The following SYNPO variants were observed in gnomAD, a reference collection of about 807,000 sequenced individuals.
The protein encoded by SYNPO is synaptopodin.
SYNPO carries 19 observed loss-of-function variants against 49.5 expected under a neutral mutation model. That is an observed-to-expected ratio of 0.38 (90% CI 0.27 to 0.56). The LOEUF (loss-of-function observed/expected upper bound fraction) is 0.56. Among genes scored for constraint, SYNPO ranks in the 20% least tolerant of loss-of-function variants. SYNPO has a pLI of 0.68. For missense variants in SYNPO, 1,131 were observed against 1,248.3 expected (o/e 0.91, Z 1.42); for synonymous variants, 536 against 548.0 (o/e 0.98, Z 0.31).
At chr5:150,591,041 C>T in the SYNPO span, among the ~76,000 whole-genome samples, 1 of 152,034 alleles carries the variant, frequency 6.6e-6, no homozygotes, top group Non-Finnish European at 1.5e-5. Context: ...GGGTGGGGAA[C>T]AGATGAGGCA....
At chr5:150,631,048 T>A (rs1304134261) in intron 2 of SYNPO, among the ~76,000 whole-genome samples, 1 of 152,166 alleles carries the variant, frequency 6.6e-6, no homozygotes, top group Non-Finnish European at 1.5e-5. Flanking sequence ...CAAATCCCAA[T>A]CCTGTACAAC....
chr5:150,645,301 C>A (rs1434492962), intron 1 of SYNPO, among the ~76,000 whole-genome samples: 1 of 152,132 alleles, frequency 6.6e-6, no homozygotes, highest in East Asian at 1.9e-4. Flanking sequence ...GAGGGGAGGG[C>A]AGGGTCAGAT....
At chr5:150,589,518 C>A in the SYNPO span, among the ~76,000 whole-genome samples, 69 of 152,334 alleles carry the variant, frequency 4.5e-4, no homozygotes, top group African/African-American at 1.6e-3. Context: ...AACAACCCTG[C>A]GATGAACATA....
chr5:150,637,190 G>GTA (rs1277420731), upstream of SYNPO, among the ~76,000 whole-genome samples: 1 of 152,168 alleles, frequency 6.6e-6, no homozygotes, highest in African/African-American at 2.4e-5. Context: ...ATTGGATTTG[G>GTA]TAAAGGAGGG....
chr5:150,611,231 C>A (rs562505066), intron 1 of SYNPO, among the ~76,000 whole-genome samples: 1 of 152,312 alleles, frequency 6.6e-6, no homozygotes, highest in African/African-American at 2.4e-5. Context: ...AACATGTGAG[C>A]TTCACGTGGG....
chr5:150,612,173 C>A (rs1248770759), intron 1 of SYNPO, among the ~76,000 whole-genome samples: 1 of 152,150 alleles, frequency 6.6e-6, no homozygotes, highest in Non-Finnish European at 1.5e-5. Flanking sequence ...CTGGATAGAC[C>A]AGACAGTTCC....
At chr5:150,613,256 C>G (rs529383766) in intron 1 of SYNPO, among the ~76,000 whole-genome samples, 1 of 152,176 alleles carries the variant, frequency 6.6e-6, no homozygotes, top group Non-Finnish European at 1.5e-5. Flanking sequence ...TTCCCCCAAC[C>G]GTGTAGGGCT....
chr5:150,637,053 T>C (rs1757740380), upstream of SYNPO, among the ~76,000 whole-genome samples: 1 of 152,222 alleles, frequency 6.6e-6, no homozygotes, highest in Admixed American at 6.5e-5. Flanking sequence ...CAGATATTAT[T>C]ATCCCTGTTT....
In SYNPO at chr5:150,657,596, G is replaced by C. The variant is rs528228208; in HGVS notation, c.*509G>C. On this transcript the variant is annotated 3_prime_UTR_variant, in exon 3 of 3. Coordinates refer to ENST00000307662, the MANE Select transcript of SYNPO (RefSeq NM_007286.6). ...CTGCTGTCTGGAGTCTGGCAAGCGG[G>C]GTGTGTTCAGAAGGTCCTAGGCCTG... 1 of 157,092 alleles carries C rather than the reference G, an allele frequency of 6.4e-6. No individual in the cohort carries two copies. The highest frequency in any genetic ancestry group is 1.4e-5 in the Non-Finnish European group (1 of 70,802). 9.7% of individuals were successfully genotyped at this position (157,092 alleles called of 1,614,324 possible).
chr5:150,640,235 G>C (rs1757851199), upstream of SYNPO: 1 of 931,174 alleles, frequency 1.1e-6, no homozygotes, highest in African/African-American at 1.8e-5. Context: ...CTTTTTGGAG[G>C]GGGTGGTGGC....
intron 2 of SYNPO, among the ~76,000 whole-genome samples, chr5:150,620,963 T>C (rs1390999233): frequency 2.0e-5 from 3 of 149,068 alleles, no homozygotes; most frequent in Admixed American, 6.6e-5. Context: ...TTCTTTTTTT[T>C]TTTTTTTGAG....
chr5:150,601,562 G>A (rs529881848), intron 1 of SYNPO, among the ~76,000 whole-genome samples: 24 of 152,314 alleles, frequency 1.6e-4, no homozygotes, highest in South Asian at 4.1e-4. Flanking sequence ...AGTTCTGTGC[G>A]TGTGCTTGTT....
At chr5:150,614,616 C>A (rs1217544341) in intron 1 of SYNPO, 2 of 152,242 alleles carry the variant, frequency 1.3e-5, no homozygotes, top group African/African-American at 4.8e-5. Flanking sequence ...GAGTTCTCCT[C>A]TCTGAGATGA....
At chr5:150,624,888 A>G (rs2151378401) in intron 2 of SYNPO, 2 of 985,332 alleles carry the variant, frequency 2.0e-6, no homozygotes, top group Non-Finnish European at 2.4e-6. Flanking sequence ...GAGCTCGGGG[A>G]CCGTGCGCAG....
intron 2 of SYNPO, 62 bp from the exon 3 acceptor site, chr5:150,656,341 TA>T: frequency 1.5e-6 from 2 of 1,358,270 alleles, no homozygotes; most frequent in Non-Finnish European, 2.0e-6. Context: ...CGTCCCTTCC[TA>T]AAGCCCGGTG....
At chr5:150,615,031 T>A (rs1756947128) in intron 1 of SYNPO, 1 of 151,840 alleles carries the variant, frequency 6.6e-6, no homozygotes, top group Non-Finnish European at 1.5e-5. Context: ...ACAGCAGGAG[T>A]GTCAGGTAAA....
At position 150,608,834 on chromosome 5, in the gene SYNPO, C is replaced by T. The variant is rs116421750; in HGVS notation, c.-266+7646C>T. ...CCTCAGGTGATTCTGATGAGGTGGA[C>T]AAGTTTGGGAATTGCCATGCTAACC... On this transcript the variant is annotated intron_variant, in intron 1 of 2. Coordinates refer to the SYNPO transcript ENST00000394243. Among the ~76,000 whole-genome samples the T allele has an allele frequency of 7.8e-3, 1,192 of 152,276 alleles. 7 individuals carry two copies. The highest frequency in any genetic ancestry group is 0.011 in the Non-Finnish European group (763 of 68,028).
chr5:150,635,262 C>G (rs887637670), intron 2 of SYNPO, among the ~76,000 whole-genome samples: 1 of 152,258 alleles, frequency 6.6e-6, no homozygotes, highest in African/African-American at 2.4e-5. Context: ...TGGGCACGCT[C>G]TGCTGTGTGT....
intron 1 of SYNPO, among the ~76,000 whole-genome samples, chr5:150,642,011 G>A (rs1757927095): frequency 6.6e-6 from 1 of 152,238 alleles, no homozygotes; most frequent in Non-Finnish European, 1.5e-5. Flanking sequence ...TTCCAGCTCT[G>A]CCACTCATAA....
Sources: allele counts gnomAD v4.1 joint callset (sites outside exome capture counted in the v4.1 genomes callset), GRCh38; gene constraint gnomAD v4.1.1; transcripts MANE v1.5; gene names NCBI Gene and HGNC (gene_info 2026-07-23, HGNC 2026-07-21).